CAMTA1: variants seen among roughly 807,000 people sequenced by gnomAD.
CAMTA1 encodes calmodulin-binding transcription activator 1.
CAMTA1 carries 27 observed loss-of-function variants against 170.9 expected under a neutral mutation model. That is an observed-to-expected ratio of 0.16 (90% confidence interval 0.12 to 0.22). The LOEUF (loss-of-function observed/expected upper bound fraction) is 0.22, where lower values mean the gene tolerates loss of function less well. Among genes scored for constraint, CAMTA1 ranks in the 10% least tolerant of loss-of-function variants. The probability of loss-of-function intolerance (pLI) is 1.00; values close to 1 mark genes in which losing one functional copy is unlikely to be tolerated. For missense variants in CAMTA1, 1,619 were observed against 2,217.2 expected, an observed-to-expected ratio of 0.73 and a Z score of 5.42; for synonymous variants, 833 against 891.5, an observed-to-expected ratio of 0.93 and a Z score of 1.17.
chr1:7,699,618 A>G (rs1024743847), intron 11 of CAMTA1, among the ~76,000 whole-genome samples: 1 of 152,178 alleles, frequency 6.6e-6, no homozygotes. Flanking sequence ...TAGCTGTGCC[A>G]TTTTACATTT....
chr1:7,410,354 C>T (rs1440314653), intron 5 of CAMTA1, among the ~76,000 whole-genome samples: 1 of 152,170 alleles, frequency 6.6e-6, no homozygotes, highest in Non-Finnish European at 1.5e-5. Context: ...GGGTGAGGGT[C>T]CCACCCCTCA....
chr1:7,210,686 T>A (rs2149067214), intron 4 of CAMTA1, among the ~76,000 whole-genome samples: 2 of 152,386 alleles, frequency 1.3e-5, no homozygotes, highest in South Asian at 4.1e-4. Context: ...GATTTTTCTC[T>A]AAATTTATTT....
chr1:7,595,715 G>A (rs548325832), intron 6 of CAMTA1, among the ~76,000 whole-genome samples: 18 of 152,324 alleles, frequency 1.2e-4, no homozygotes, highest in African/African-American at 4.3e-4. Flanking sequence ...GAAGCTACAT[G>A]GAGTTAGCCT....
chr1:7,231,151 T>C (rs1662725397), intron 4 of CAMTA1, among the ~76,000 whole-genome samples: 1 of 152,164 alleles, frequency 6.6e-6, no homozygotes, highest in South Asian at 2.1e-4. Flanking sequence ...CCGGGGGATC[T>C]GCCCAGGCAA....
chr1:7,743,984 G>A (rs1419665804), intron 16 of CAMTA1, among the ~76,000 whole-genome samples: 2 of 147,256 alleles, frequency 1.4e-5, no homozygotes, highest in African/African-American at 5.0e-5. Flanking sequence ...CCGCCACCAC[G>A]CCCAGCTAAT....
At chr1:7,346,136 G>A (rs2084201530) in intron 5 of CAMTA1, among the ~76,000 whole-genome samples, 1 of 152,134 alleles carries the variant, frequency 6.6e-6, no homozygotes, top group South Asian at 2.1e-4. Flanking sequence ...AAAGCTCCTG[G>A]GGTGAGTTAG....
At chr1:7,019,041 G>A (rs1700983602) in intron 3 of CAMTA1, among the ~76,000 whole-genome samples, 1 of 152,226 alleles carries the variant, frequency 6.6e-6, no homozygotes, top group East Asian at 1.9e-4. Flanking sequence ...GCCTTGGTGG[G>A]CGGGGTGGAT....
chr1:7,440,659 A>G (rs557543004), intron 5 of CAMTA1, among the ~76,000 whole-genome samples: 1 of 152,130 alleles, frequency 6.6e-6, no homozygotes, highest in South Asian at 2.1e-4. Context: ...TGGTCCCCGG[A>G]TCCCAGCACC....
chr1:7,344,309 C>A (rs1055273281), intron 5 of CAMTA1, among the ~76,000 whole-genome samples: 25 of 152,172 alleles, frequency 1.6e-4, no homozygotes, highest in African/African-American at 4.8e-4. Flanking sequence ...TTCCAGACAC[C>A]CAGTGGAAGT....
At chr1:7,170,928 C>T (rs1355860931) in intron 4 of CAMTA1, among the ~76,000 whole-genome samples, 1 of 152,082 alleles carries the variant, frequency 6.6e-6, no homozygotes, top group Non-Finnish European at 1.5e-5. Flanking sequence ...GGAATGTTTT[C>T]CATTTTGTGG....
chr1:7,139,832 A>T (rs1239681936), intron 4 of CAMTA1, among the ~76,000 whole-genome samples: 1 of 152,168 alleles, frequency 6.6e-6, no homozygotes, highest in Non-Finnish European at 1.5e-5. Context: ...TTCGTGACTC[A>T]AATTGTGCAG....
intron 5 of CAMTA1, among the ~76,000 whole-genome samples, chr1:7,356,563 C>T (rs574119379): frequency 3.1e-4 from 47 of 152,234 alleles, no homozygotes; most frequent in Non-Finnish European, 5.0e-4. Flanking sequence ...TGACTGCCAC[C>T]GCCTCCTCCT....
In CAMTA1 at chr1:7,641,156, C is replaced by T. The variant is rs1179881261; in HGVS notation, c.664+603C>T. ...GCTGGGGCTGCTCCGTACTTTGTTG[C>T]CGTGGCCACAGCTCCCGGCAGCCGC... On this transcript the variant is annotated intron_variant, in intron 7 of 22. Coordinates refer to ENST00000303635, the MANE Select transcript of CAMTA1 (RefSeq NM_015215.4). This position sits in a 1 kb window ranked among gnomAD's most constrained non-coding sequence, Gnocchi z 4.5. 1.3e-5 allele frequency among the ~76,000 whole-genome samples: 2 copies of T among 152,256 alleles called. No homozygotes were observed. Among genetic ancestry groups the T allele is most frequent in the African/African-American group, 2.4e-5 (1 of 41,476 alleles).
chr1:7,284,033 G>A (rs141278519), intron 5 of CAMTA1, among the ~76,000 whole-genome samples: 18 of 152,200 alleles, frequency 1.2e-4, no homozygotes, highest in Middle Eastern at 3.4e-3. Context: ...CTGTGCTCCC[G>A]TTTTCTCATC....
At chr1:7,361,561 A>T in intron 5 of CAMTA1, among the ~76,000 whole-genome samples, 1 of 152,170 alleles carries the variant, frequency 6.6e-6, no homozygotes, top group South Asian at 2.1e-4. Context: ...AAGGAACCAG[A>T]ATATCCAGGT....
intron 5 of CAMTA1, among the ~76,000 whole-genome samples, chr1:7,315,429 T>G (rs1321719725): frequency 2.0e-5 from 3 of 152,240 alleles, no homozygotes; most frequent in Admixed American, 6.5e-5. Flanking sequence ...CTTCTCCATT[T>G]CTTTCCCTGA....
At chr1:7,733,915 G>A (rs1363936626) in intron 12 of CAMTA1, among the ~76,000 whole-genome samples, 1 of 152,090 alleles carries the variant, frequency 6.6e-6, no homozygotes, top group Non-Finnish European at 1.5e-5. Flanking sequence ...AAACAACTTG[G>A]CACGCAGTAG....
chr1:7,581,328 G>A (rs873433), intron 6 of CAMTA1, among the ~76,000 whole-genome samples: 6 of 152,124 alleles, frequency 3.9e-5, no homozygotes, highest in East Asian at 1.9e-4. Flanking sequence ...AACAGTGTCC[G>A]TTCTCTCACA....
intron 5 of CAMTA1, among the ~76,000 whole-genome samples, chr1:7,340,110 A>C (rs2083688609): frequency 1.3e-5 from 2 of 152,304 alleles, no homozygotes; most frequent in South Asian, 2.1e-4. Context: ...TGTTGCATCA[A>C]CTCAACTTTG....
Sources: allele counts gnomAD v4.1 joint callset (sites outside exome capture counted in the v4.1 genomes callset), GRCh38; gene constraint gnomAD v4.1.1; non-coding constraint Gnocchi (gnomAD v3.1); transcripts MANE v1.5; gene names NCBI Gene and HGNC (gene_info 2026-07-23, HGNC 2026-07-21).